Variants in BTAF1 observed in about 807,000 individuals in gnomAD.
The protein encoded by BTAF1 is TATA-binding protein-associated factor 172.
A neutral mutation model predicts 227.1 loss-of-function variants in BTAF1; 38 were observed. That is an observed-to-expected ratio of 0.17 (90% CI 0.13 to 0.22). The LOEUF is 0.22. BTAF1 is among the 10% of genes least tolerant of loss of function. The pLI is 1.00. For missense variants in BTAF1, 1,598 were observed against 2,204.0 expected, an observed-to-expected ratio of 0.73 and a Z score of 5.51; for synonymous variants, 742 against 751.9, an observed-to-expected ratio of 0.99 and a Z score of 0.21.
At chr10:91,985,239 T>C (rs1272848925) in intron 19 of BTAF1, among the ~76,000 whole-genome samples, 2 of 152,192 alleles carry the variant, frequency 1.3e-5, no homozygotes, top group African/African-American at 4.8e-5. Flanking sequence ...AATCATACAC[T>C]GTGCTCTTTG....
chr10:91,938,019 C>A (rs986597093), intron 2 of BTAF1, among the ~76,000 whole-genome samples: 1 of 152,162 alleles, frequency 6.6e-6, no homozygotes, highest in Admixed American at 6.5e-5. Context: ...TGATATCAGG[C>A]ATATGTATTT....
chr10:91,959,362 G>A, intron 9 of BTAF1: 3 of 1,083,478 alleles, frequency 2.8e-6, no homozygotes, highest in Middle Eastern at 3.4e-4. Context: ...AACATAATTG[G>A]TATTGCCTGG....
At position 91,951,243 on chromosome 10, in the gene BTAF1, T is replaced by A. The variant is rs117704022; in HGVS notation, c.401-160T>A. Among the ~76,000 whole-genome samples the A allele has an allele frequency of 0.059, 8,950 of 152,312 alleles. 359 individuals are homozygous for A. The highest frequency in any genetic ancestry group is 0.12 in the Middle Eastern group (34 of 294). ...CTAGACCAGTATTTTCCAATGTGAT[T>A]AGGTAACAGAGTTTATGAGATGATC... On this transcript the variant is annotated intron_variant, in intron 4 of 37. Transcript: ENST00000265990.
intron 28 of BTAF1, 123 bp from the exon 29 acceptor site, chr10:92,010,950 T>C: frequency 1.4e-6 from 1 of 737,122 alleles, no homozygotes; most frequent in East Asian, 2.6e-5. Context: ...GGGTCATGTA[T>C]GTAGAGTAAG....
rs780672837 is a variant in BTAF1 at position 91,959,116 on chromosome 10, A to G, written c.952A>G (p.Lys318Glu). 3 of 1,614,130 alleles carry G rather than the reference A, an allele frequency of 1.9e-6. No homozygotes were observed. Among genetic ancestry groups the G allele is most frequent in the East Asian group, 2.2e-5 (1 of 44,866 alleles). Reference protein sequence around the residue: ...GLREILKAHGKSGGKMGDSTL... With the variant: ...GLREILKAHGESGGKMGDSTL... ...TAGGGAAATTCTTAAAGCTCATGGG[A>G]AAAGTGGTGGTAAAATGGGTGACAG... is the stretch of plus-strand genomic sequence containing the variant. Residue 318 changes from lysine (K) to glutamate (E), a missense_variant, in exon 9 of 38, where the codon AAA becomes GAA. By Grantham distance (56) the Lys-to-Glu change is moderately conservative. This residue lies in a region of BTAF1 where 298 missense variants were observed against 395.2 expected (regional missense o/e 0.75). Coordinates refer to ENST00000265990, the MANE Select transcript of BTAF1 (RefSeq NM_003972.3).
intron 25 of BTAF1, among the ~76,000 whole-genome samples, chr10:92,000,797 G>A (rs1171191792): frequency 6.6e-6 from 1 of 152,024 alleles, no homozygotes; most frequent in African/African-American, 2.4e-5. Context: ...TAGGTGATCC[G>A]CCCACCTCAG....
Position 92,029,085 on chromosome 10 carries a change from A to T in BTAF1, c.*152A>T. On this transcript the variant is annotated 3_prime_UTR_variant, in exon 38 of 38. Transcript: ENST00000265990. ...ATGCTGGCTCTTGTTTCACTGGGGG[A>T]AACAAGTTATTCTCAAATATTTGCA... 1.6e-6 allele frequency: 1 copy of T among 633,256 alleles called. No individual in the cohort carries two copies. The highest frequency in any genetic ancestry group is 2.5e-6 in the Non-Finnish European group (1 of 400,824). 39.2% of individuals were successfully genotyped at this position (633,256 alleles called of 1,614,324 possible).
rs199632349 is a variant in BTAF1 at position 92,016,329 on chromosome 10, C to T, written c.4585-11C>T. 6.3e-7 allele frequency: 1 copy of T among 1,585,566 alleles called. No homozygotes were observed. The highest frequency in any genetic ancestry group is 8.5e-7 in the Non-Finnish European group (1 of 1,170,624). The stretch of plus-strand genomic sequence containing the variant: ...ATACTTAAAGCTTCTCCCACGGGGG[C>T]CATTTTACAGGTTCAGCTCTATGAA... On this transcript the variant is annotated splice_polypyrimidine_tract_variant and intron_variant, in intron 32 of 37. Transcript: ENST00000265990.
chr10:91,932,654 T>C (rs1224657897), intron 1 of BTAF1, among the ~76,000 whole-genome samples: 1 of 152,160 alleles, frequency 6.6e-6, no homozygotes, highest in Admixed American at 6.5e-5. Flanking sequence ...AAAAATATAA[T>C]AAATACTTAA....
At chr10:92,028,741 A>T (rs755659384) in intron 37 of BTAF1, 49 bp from the exon 38 acceptor site, 12 of 1,515,878 alleles carry the variant, frequency 7.9e-6, no homozygotes, top group African/African-American at 1.4e-5. Context: ...ACAATTTGTG[A>T]AGTTAACCTC....
intron 34 of BTAF1, among the ~76,000 whole-genome samples, chr10:92,020,961 C>T (rs567830614): frequency 6.6e-6 from 1 of 152,152 alleles, no homozygotes; most frequent in Non-Finnish European, 1.5e-5. Flanking sequence ...AATTAAGATG[C>T]TTAGGAAGTC....
intron 23 of BTAF1, 136 bp from the exon 24 acceptor site, chr10:91,996,233 T>A: frequency 1.5e-6 from 1 of 687,162 alleles, no homozygotes; most frequent in South Asian, 2.0e-5. Context: ...GTTTTGGCAG[T>A]AATGTTTTGA....
chr10:91,993,929 C>T lies in BTAF1; in HGVS notation c.3199+82C>T, dbSNP rs1023690573. On this transcript the variant is annotated intron_variant, in intron 22 of 37. Coordinates refer to ENST00000265990, the MANE Select transcript of BTAF1 (RefSeq NM_003972.3). ...AATATATCCTTATAAAATAAAAATG[C>T]CTCTATGCCTCTACCTGTTTATTCC... 2.8e-6 allele frequency: 3 copies of T among 1,061,304 alleles called. No homozygotes were observed. The African/African-American group carries it at 4.9e-5, about 17-fold the overall frequency. 65.7% of individuals were successfully genotyped at this position (1,061,304 alleles called of 1,614,324 possible).
intron 4 of BTAF1, 55 bp downstream of exon 4, chr10:91,942,623 T>C: frequency 1.3e-6 from 2 of 1,573,772 alleles, no homozygotes; most frequent in Non-Finnish European, 1.7e-6. Flanking sequence ...GACTAATTTG[T>C]CACTGTGGTA....
rs746363989 is a variant in BTAF1, at chr10:91,942,834, T to C, written c.400+266T>C. Among the ~76,000 whole-genome samples the C allele has an allele frequency of 4.2e-4, 64 of 152,178 alleles. 1 individual carries two copies. Among genetic ancestry groups the C allele is most frequent in the Admixed American group, 7.2e-4 (11 of 15,274 alleles). On this transcript the variant is annotated intron_variant, in intron 4 of 37. Coordinates refer to ENST00000265990, the MANE Select transcript of BTAF1 (RefSeq NM_003972.3). ...TAATATTTCAGCAACAATTTTATTA[T>C]GTAGTATGGAAATTATAAAGTGTTC...
At chr10:92,016,753 G>A (rs1850765601) in intron 33 of BTAF1, among the ~76,000 whole-genome samples, 1 of 152,096 alleles carries the variant, frequency 6.6e-6, no homozygotes, top group South Asian at 2.1e-4. Context: ...TAGGATTCAG[G>A]CATGAGCCAC....
intron 6 of BTAF1, 116 bp from the exon 7 acceptor site, chr10:91,956,412 T>G: frequency 8.0e-7 from 1 of 1,255,710 alleles, no homozygotes; most frequent in Non-Finnish European, 1.1e-6. Flanking sequence ...AAACATTTGT[T>G]TAAATGATGG....
chr10:91,947,318 GTTTTC>G (rs1158523959), intron 4 of BTAF1, among the ~76,000 whole-genome samples: 1 of 151,988 alleles, frequency 6.6e-6, no homozygotes, highest in African/African-American at 2.4e-5. Context: ...ATTTACCTCT[GTTTTC>G]TTCTGAGAGT....
chr10:91,942,295 A>AAGTGTGTGTGTGT (rs398114637), intron 3 of BTAF1, 127 bp from the exon 4 acceptor site: 62 of 553,814 alleles, frequency 1.1e-4, no homozygotes, highest in Non-Finnish European at 1.6e-4. Context: ...TAAAAAAAAA[A>AAGTGTGTGTGTGT]GTTTGTGTGT....
Sources: allele counts gnomAD v4.1 joint callset (sites outside exome capture counted in the v4.1 genomes callset), GRCh38; gene constraint gnomAD v4.1.1; regional missense constraint gnomAD v4.1.1; transcripts MANE v1.5; gene names NCBI Gene and HGNC (gene_info 2026-07-23, HGNC 2026-07-21).